MBD5: variants seen among roughly 807,000 people sequenced by gnomAD.
The protein encoded by MBD5 is methyl-CpG binding domain protein 5, also known as methyl-CpG-binding domain protein 5.
A neutral mutation model predicts 117.3 loss-of-function variants in MBD5; 13 were observed. The ratio of observed to expected loss-of-function variants is 0.11; its 90% CI spans 0.07 to 0.18. The LOEUF is 0.18. MBD5 is among the 10% of genes least tolerant of loss of function. The pLI, the probability that MBD5 is intolerant of heterozygous loss-of-function variation, is 1.00. For missense variants in MBD5, 1,879 were observed against 2,093.8 expected (o/e 0.90, Z 2.00); for synonymous variants, 727 against 766.4 (o/e 0.95, Z 0.85).
rs201998481 is a variant in MBD5 at position 148,334,334 on chromosome 2, G to GT, written c.-679-7876dup. Among the ~76,000 whole-genome samples, 94 of 151,378 alleles carry GT rather than the reference G, an allele frequency of 6.2e-4. 1 individual carries two copies. The highest frequency in any genetic ancestry group is 2.1e-3 in the East Asian group (11 of 5,164). On this transcript the variant is annotated intron_variant, in intron 3 of 13. Coordinates refer to ENST00000642680, the MANE Select transcript of MBD5 (RefSeq NM_001378120.1). Reference sequence around the variant, plus strand: ...TCTCTCATTCTCCTTTTTCTTATTTGTTTTGTTTTTTTTTTAAGAGACAAG... The same window carrying GT: ...TCTCTCATTCTCCTTTTTCTTATTTGTTTTTGTTTTTTTTTTAAGAGACAAG...
intron 1 of MBD5, among the ~76,000 whole-genome samples, chr2:148,175,843 G>T (rs543696768): frequency 1.3e-5 from 2 of 152,244 alleles, no homozygotes; most frequent in Admixed American, 1.3e-4. Flanking sequence ...TAGGATTGTT[G>T]TGAGAATTAA....
chr2:148,476,340 A>G (rs1165713215), intron 8 of MBD5, among the ~76,000 whole-genome samples: 1 of 152,230 alleles, frequency 6.6e-6, no homozygotes, highest in East Asian at 1.9e-4. Flanking sequence ...CTTGCATTAC[A>G]GTCCATTAGA....
chr2:148,075,198 G>A (rs1695477053), intron 1 of MBD5, among the ~76,000 whole-genome samples: 1 of 152,220 alleles, frequency 6.6e-6, no homozygotes, highest in African/African-American at 2.4e-5. Flanking sequence ...ACATGTCAGA[G>A]TGTGGCCAAA....
intron 6 of MBD5, among the ~76,000 whole-genome samples, chr2:148,463,190 A>C (rs893628861): frequency 1.3e-5 from 2 of 152,174 alleles, no homozygotes; most frequent in Admixed American, 1.3e-4. Flanking sequence ...TTATTTTGTG[A>C]ATGTCTATTA....
chr2:148,074,477 A>G (rs535639710), intron 1 of MBD5, among the ~76,000 whole-genome samples: 1 of 140,572 alleles, frequency 7.1e-6, no homozygotes, highest in African/African-American at 2.8e-5. Flanking sequence ...CTTCAAAGGA[A>G]TAGTTTGTTT....
chr2:148,205,087 T>G (rs890367260), intron 2 of MBD5, among the ~76,000 whole-genome samples: 3 of 150,880 alleles, frequency 2.0e-5, no homozygotes, highest in African/African-American at 7.3e-5. Flanking sequence ...TTTTATTTTA[T>G]TTTTTTTTGA....
intron 3 of MBD5, among the ~76,000 whole-genome samples, chr2:148,240,279 A>G (rs1700186630): frequency 6.6e-6 from 1 of 152,048 alleles, no homozygotes; most frequent in Non-Finnish European, 1.5e-5. Flanking sequence ...AGGCAGGGGG[A>G]GGGGGAAGGG....
At chr2:148,478,458 TGA>T (rs1433126665) in intron 8 of MBD5, among the ~76,000 whole-genome samples, 4 of 152,034 alleles carry the variant, frequency 2.6e-5, no homozygotes, top group Admixed American at 2.6e-4. Context: ...CTCAGGAGGC[TGA>T]GGCAGGAGAA....
At chr2:148,226,526 G>A (rs1183473363) in intron 2 of MBD5, among the ~76,000 whole-genome samples, 1 of 152,154 alleles carries the variant, frequency 6.6e-6, no homozygotes, top group Admixed American at 6.5e-5. Context: ...TGGACATTTG[G>A]GTTGGTTCCA....
chr2:148,345,859 G>C (rs1187468134), intron 4 of MBD5, among the ~76,000 whole-genome samples: 1 of 151,858 alleles, frequency 6.6e-6, no homozygotes, highest in African/African-American at 2.4e-5. Flanking sequence ...GAAGCATCCA[G>C]CACAGGAGAA....
At chr2:148,428,137 T>G (rs1359627204) in intron 4 of MBD5, among the ~76,000 whole-genome samples, 1 of 152,216 alleles carries the variant, frequency 6.6e-6, no homozygotes, top group Non-Finnish European at 1.5e-5. Flanking sequence ...GATAAGGAAC[T>G]TCAGCAAAGT....
At chr2:148,152,700 T>C (rs1025032127) in intron 1 of MBD5, among the ~76,000 whole-genome samples, 1 of 151,782 alleles carries the variant, frequency 6.6e-6, no homozygotes, top group African/African-American at 2.4e-5. Flanking sequence ...GTAATGGCCT[T>C]CTTTGTCTCT....
At position 148,069,632 on chromosome 2, in the gene MBD5, A is replaced by T. The variant is rs2105067136; in HGVS notation, c.-925+47948A>T. ...GTTTTTGTCTATACAAGCCGCTGTT[A>T]AACCACTTTTCCCTGACCTTTTTAA... is the stretch of plus-strand genomic sequence containing the variant. On this transcript the variant is annotated intron_variant, in intron 1 of 13. Transcript: ENST00000642680. Among the ~76,000 whole-genome samples the T allele has an allele frequency of 2.0e-5, 3 of 152,202 alleles. 1 individual carries two copies. The South Asian group carries it at 6.2e-4, about 32-fold the overall frequency.
intron 4 of MBD5, among the ~76,000 whole-genome samples, chr2:148,376,354 GC>G (rs1334832376): frequency 2.7e-5 from 4 of 146,518 alleles, no homozygotes; most frequent in Non-Finnish European, 6.0e-5. Context: ...TGCAAGTTCC[GC>G]CTCCTGGGTT....
At position 148,490,444 on chromosome 2, in the gene MBD5, T is replaced by G. The variant is rs1219912625; in HGVS notation, c.4812T>G (p.Ser1604=). 2 of 1,614,202 alleles carry G rather than the reference T, an allele frequency of 1.2e-6. No individual in the cohort carries two copies. The highest frequency in any genetic ancestry group is 1.7e-6 in the Non-Finnish European group (2 of 1,180,032). ...ACCTAAGGAACCCAGACTCCCCCTC[T>G]TCAAATGAATTGATACATTATAGAC... ...EDDLRNPDSP[S]SNELIHYRPR... Residue 1604 remains serine, a synonymous_variant, in exon 11 of 14, where the codon TCT becomes TCG. Transcript: ENST00000642680.
At chr2:148,331,806 A>C (rs552628016) in intron 3 of MBD5, among the ~76,000 whole-genome samples, 4 of 152,268 alleles carry the variant, frequency 2.6e-5, no homozygotes, top group Non-Finnish European at 5.9e-5. Context: ...CATTGAAAAA[A>C]AATACCCTAA....
At chr2:148,149,636 C>T (rs1182242063) in intron 1 of MBD5, among the ~76,000 whole-genome samples, 1 of 152,014 alleles carries the variant, frequency 6.6e-6, no homozygotes, top group East Asian at 1.9e-4. Context: ...GCCATTCTAA[C>T]TGGTGTGAGA....
At chr2:148,033,988 G>T in intron 1 of MBD5, among the ~76,000 whole-genome samples, 1 of 152,144 alleles carries the variant, frequency 6.6e-6, no homozygotes, top group East Asian at 1.9e-4. Flanking sequence ...AAGCTTATTA[G>T]AATGTTTGAC....
intron 1 of MBD5, among the ~76,000 whole-genome samples, chr2:148,118,435 A>AAATATAT (rs1021339753): frequency 1.2e-4 from 18 of 148,488 alleles, no homozygotes; most frequent in African/African-American, 4.0e-4. Flanking sequence ...CATAAAAAAA[A>AAATATAT]ATATATATAT....
Sources: allele counts gnomAD v4.1 joint callset (sites outside exome capture counted in the v4.1 genomes callset), GRCh38; gene constraint gnomAD v4.1.1; transcripts MANE v1.5; gene names NCBI Gene and HGNC (gene_info 2026-07-23, HGNC 2026-07-21).